The following RAG1 variants were observed in gnomAD, a reference collection of about 807,000 sequenced individuals.
RAG1 encodes the protein V(D)J recombination-activating protein 1.
A neutral mutation model predicts 62.7 loss-of-function variants in RAG1; 35 were observed. The observed-to-expected ratio is 0.56, with a 90% CI of 0.43 to 0.74. The LOEUF (loss-of-function observed/expected upper bound fraction) is 0.74, where lower values mean the gene tolerates loss of function less well. Among genes scored for constraint, RAG1 ranks in the 30% least tolerant of loss-of-function variants. The probability of loss-of-function intolerance (pLI) is 0.00; values close to 1 mark genes in which losing one functional copy is unlikely to be tolerated. For missense variants in RAG1, 1,169 were observed against 1,278.6 expected (o/e 0.91, Z 1.31); for synonymous variants, 461 against 470.3 (o/e 0.98, Z 0.26).
At chr11:36,566,652 C>G (rs556032627), upstream of RAG1, 1 of 152,366 alleles carries the variant, frequency 6.6e-6, no homozygotes, top group East Asian at 1.9e-4. Context: ...ATTCTTAGCT[C>G]TCACCTGCCT....
At chr11:36,510,653 C>G (rs1859904382), upstream of RAG1, 1 of 152,344 alleles carries the variant, frequency 6.6e-6, no homozygotes. Flanking sequence ...TTAAACCCCT[C>G]CCCAGCTCCA....
intron 2 of RAG1, among the ~76,000 whole-genome samples, chr11:36,534,183 A>C (rs892899606): frequency 3.3e-5 from 5 of 152,276 alleles, no homozygotes; most frequent in Admixed American, 6.5e-5. Context: ...TTTAAATTAT[A>C]AGCAATTCAA....
At chr11:36,551,446 T>C (rs1219275983) in intron 3 of RAG1, among the ~76,000 whole-genome samples, 1 of 152,102 alleles carries the variant, frequency 6.6e-6, no homozygotes, top group Non-Finnish European at 1.5e-5. Context: ...TTGGTTTCTC[T>C]GAGGTCTCTC....
chr11:36,525,349 GA>G (rs2133250434), intron 2 of RAG1, among the ~76,000 whole-genome samples: 1 of 152,144 alleles, frequency 6.6e-6, no homozygotes, highest in African/African-American at 2.4e-5. Context: ...TCCTACTTTA[GA>G]TTTTTAAACT....
chr11:36,543,965 A>G (rs2133267205), intron 3 of RAG1, among the ~76,000 whole-genome samples: 1 of 152,356 alleles, frequency 6.6e-6, no homozygotes, highest in Non-Finnish European at 1.5e-5. Context: ...AGAGTTTCAA[A>G]GATACAGAGA....
intron 1 of RAG1, among the ~76,000 whole-genome samples, chr11:36,571,533 A>G (rs1850744209): frequency 6.6e-6 from 1 of 152,228 alleles, no homozygotes; most frequent in South Asian, 2.1e-4. Flanking sequence ...TAACTCTTGC[A>G]TAGTCCTGCA....
At chr11:36,560,705 G>T (rs7109588) in intron 3 of RAG1, among the ~76,000 whole-genome samples, 3,299 of 152,198 alleles carry the variant, frequency 0.022, 97 homozygotes, top group African/African-American at 0.071. Context: ...GACTGTGGGG[G>T]TCTTTTGTAC....
chr11:36,542,481 G>C (rs1850320518), intron 3 of RAG1, among the ~76,000 whole-genome samples: 1 of 152,210 alleles, frequency 6.6e-6, no homozygotes, highest in South Asian at 2.1e-4. Flanking sequence ...GATAGACAGT[G>C]AACTAGTGGC....
At chr11:36,525,770 A>G (rs1194458388) in intron 2 of RAG1, among the ~76,000 whole-genome samples, 1 of 152,052 alleles carries the variant, frequency 6.6e-6, no homozygotes, top group African/African-American at 2.4e-5. Flanking sequence ...GCTTTGCTAA[A>G]CTCACTTTTT....
downstream of RAG1, among the ~76,000 whole-genome samples, chr11:36,539,864 AAAG>A (rs990625621): frequency 2.6e-5 from 4 of 152,194 alleles, no homozygotes; most frequent in Non-Finnish European, 5.9e-5. Context: ...GACATTTGGG[AAAG>A]AAGAATTCAT....
Position 36,574,934 on chromosome 11 carries a change from C to G in RAG1, c.1630C>G (p.Leu544Val), listed in dbSNP as rs773829381. The part of the protein sequence containing the change: ...DVGIIDGLSG[L>V]SSSVDDYPVD... ...TGGCATTATTGATGGGCTGTCTGGA[C>G]TATCATCCTCTGTGGATGATTACCC... Residue 544 changes from leucine to valine, a missense_variant, in exon 2 of 2, where the codon CTA (leucine) becomes GTA (valine). This residue lies in a region of RAG1 where 800 missense variants were observed against 943.3 expected (regional missense o/e 0.85). Transcript: ENST00000299440. 1 of 1,614,074 alleles carries G rather than the reference C, an allele frequency of 6.2e-7. No individual in the cohort carries two copies. The highest frequency in any genetic ancestry group is 8.5e-7 in the Non-Finnish European group (1 of 1,180,040).
At chr11:36,550,768 C>T (rs1447086741) in intron 3 of RAG1, among the ~76,000 whole-genome samples, 2 of 152,090 alleles carry the variant, frequency 1.3e-5, no homozygotes, top group African/African-American at 4.8e-5. Context: ...GCATGATGGA[C>T]TTTGGCAGCT....
At chr11:36,539,130 GT>G (rs1860375706), downstream of RAG1, among the ~76,000 whole-genome samples, 2 of 152,152 alleles carry the variant, frequency 1.3e-5, no homozygotes, top group Non-Finnish European at 1.5e-5. Flanking sequence ...CTTTTAGAAG[GT>G]AATTAAGATT....
At chr11:36,527,279 T>A (rs1377768958) in intron 2 of RAG1, among the ~76,000 whole-genome samples, 1 of 152,220 alleles carries the variant, frequency 6.6e-6, no homozygotes, top group African/African-American at 2.4e-5. Flanking sequence ...AAGGAAGTGA[T>A]CCAGTTTCAG....
intron 1 of RAG1, among the ~76,000 whole-genome samples, chr11:36,514,187 G>A (rs1859964637): frequency 6.6e-6 from 1 of 152,150 alleles, no homozygotes; most frequent in South Asian, 2.1e-4. Context: ...CCTGGAAGTG[G>A]ATCTTCCAGC....
intron 1 of RAG1, among the ~76,000 whole-genome samples, chr11:36,571,775 C>T (rs926612988): frequency 5.3e-5 from 8 of 151,982 alleles, no homozygotes; most frequent in South Asian, 4.2e-4. Context: ...CCACCATGCC[C>T]GGCTAAATTT....
At chr11:36,534,877 G>A (rs1860303644) in intron 2 of RAG1, among the ~76,000 whole-genome samples, 1 of 151,842 alleles carries the variant, frequency 6.6e-6, no homozygotes, top group Admixed American at 6.6e-5. Context: ...AGGCTTTTGG[G>A]GTATCCTACC....
intron 3 of RAG1, among the ~76,000 whole-genome samples, chr11:36,550,314 C>G (rs976687274): frequency 2.6e-5 from 4 of 151,828 alleles, no homozygotes; most frequent in Middle Eastern, 3.4e-3. Context: ...TATACCAAAT[C>G]AAAAGATGGT....
At chr11:36,539,588 G>A (rs150462745), downstream of RAG1, among the ~76,000 whole-genome samples, 1 of 152,088 alleles carries the variant, frequency 6.6e-6, no homozygotes, top group African/African-American at 2.4e-5. Flanking sequence ...AGGTTCAAGC[G>A]ATTCTCCTGC....
Sources: allele counts gnomAD v4.1 joint callset (sites outside exome capture counted in the v4.1 genomes callset), GRCh38; gene constraint gnomAD v4.1.1; regional missense constraint gnomAD v4.1.1; transcripts MANE v1.5; gene names NCBI Gene and HGNC (gene_info 2026-07-23, HGNC 2026-07-21).